DPP10: variants seen among roughly 807,000 people sequenced by gnomAD.
The protein encoded by DPP10 is inactive dipeptidyl peptidase 10.
Under a neutral mutation model 120.9 loss-of-function variants are expected in DPP10, and 33 were observed. That is an observed-to-expected ratio of 0.27 (90% confidence interval 0.21 to 0.37). The LOEUF is 0.37. DPP10 is among the 10% of genes least tolerant of loss of function. The pLI, the probability that DPP10 is intolerant of heterozygous loss-of-function variation, is 1.00. For missense variants in DPP10, 816 were observed against 942.8 expected (o/e 0.87, Z 1.76); for synonymous variants, 337 against 326.1 (o/e 1.03, Z -0.36).
intron 1 of DPP10, among the ~76,000 whole-genome samples, chr2:114,617,701 T>C (rs1314090782): frequency 6.6e-6 from 1 of 152,068 alleles, no homozygotes; most frequent in Non-Finnish European, 1.5e-5. Flanking sequence ...TTTATACTTG[T>C]TTTCACTTAG....
intron 1 of DPP10, among the ~76,000 whole-genome samples, chr2:114,839,860 C>T (rs2106442937): frequency 6.6e-6 from 1 of 152,206 alleles, no homozygotes; most frequent in Admixed American, 6.5e-5. Context: ...AGAGAATATA[C>T]AAGATTTAAA....
chr2:114,591,667 G>GATT (rs1417181408), intron 1 of DPP10, among the ~76,000 whole-genome samples: 2 of 150,344 alleles, frequency 1.3e-5, no homozygotes, highest in Non-Finnish European at 2.9e-5. Context: ...TGATTCTCCT[G>GATT]CCTTAGCCTC....
chr2:115,177,754 G>GTT lies in DPP10; in HGVS notation c.61-131481_61-131480dup, dbSNP rs1351802503. On this transcript the variant is annotated intron_variant, in intron 1 of 25. Coordinates refer to ENST00000410059, the MANE Select transcript of DPP10 (RefSeq NM_020868.6). ...TATAACATTGCTTTTGTTTTGTTTT[G>GTT]TTTTTGTTTTTGTTTGTTTGTTTGT... Among the ~76,000 whole-genome samples, 133 of 109,750 alleles carry GTT rather than the reference G, an allele frequency of 1.2e-3. 3 individuals carry two copies. The South Asian group carries it at 0.03, about 25-fold the overall frequency. 72.0% of individuals were successfully genotyped at this position (109,750 alleles called of 152,430 possible).
chr2:114,969,470 A>T (rs1036135167), intron 1 of DPP10, among the ~76,000 whole-genome samples: 1 of 152,190 alleles, frequency 6.6e-6, no homozygotes, highest in Admixed American at 6.5e-5. Flanking sequence ...TATGGTGTGT[A>T]TTCACACACA....
chr2:114,615,105 T>TA (rs34167300), intron 1 of DPP10, among the ~76,000 whole-genome samples: 2 of 152,318 alleles, frequency 1.3e-5, no homozygotes, highest in African/African-American at 4.8e-5. Flanking sequence ...GGTTAAGATT[T>TA]AAAATAATCA....
At chr2:114,542,050 T>C (rs1278796988) in intron 1 of DPP10, among the ~76,000 whole-genome samples, 1 of 112,518 alleles carries the variant, frequency 8.9e-6, no homozygotes, top group African/African-American at 3.1e-5. Flanking sequence ...CTTTCTTTCC[T>C]TTTTTTTTTT....
intron 4 of DPP10, among the ~76,000 whole-genome samples, chr2:115,512,423 ACCTGGCCT>A (rs2077283530): frequency 1.3e-5 from 2 of 152,036 alleles, no homozygotes; most frequent in Admixed American, 1.3e-4. Context: ...GAGCCACTGC[ACCTGGCCT>A]CTGGCTTTTT....
chr2:115,351,543 T>C (rs1195658195), intron 3 of DPP10, among the ~76,000 whole-genome samples: 1 of 151,994 alleles, frequency 6.6e-6, no homozygotes, highest in Non-Finnish European at 1.5e-5. Flanking sequence ...ATTTTAAAAA[T>C]CAAATAAAAA....
chr2:115,451,985 T>C (rs983664150), intron 3 of DPP10, among the ~76,000 whole-genome samples: 1 of 151,842 alleles, frequency 6.6e-6, no homozygotes, highest in Non-Finnish European at 1.5e-5. Context: ...CATTATAGTG[T>C]ATTTGGTCTA....
chr2:115,185,612 A>C (rs1441727658), intron 1 of DPP10, among the ~76,000 whole-genome samples: 1 of 152,152 alleles, frequency 6.6e-6, no homozygotes, highest in Non-Finnish European at 1.5e-5. Context: ...CAAGTTTGTA[A>C]ATTTCTGAGG....
chr2:115,068,516 G>A (rs557165111), intron 1 of DPP10, among the ~76,000 whole-genome samples: 5 of 151,984 alleles, frequency 3.3e-5, no homozygotes, highest in African/African-American at 9.7e-5. Flanking sequence ...TCCCATGTAG[G>A]TTGCCTCTTC....
At chr2:114,829,126 A>C (rs1016614554) in intron 1 of DPP10, among the ~76,000 whole-genome samples, 3 of 151,854 alleles carry the variant, frequency 2.0e-5, no homozygotes, top group East Asian at 2.0e-4. Flanking sequence ...ATCTCTACTA[A>C]AAAACTACAA....
intron 1 of DPP10, among the ~76,000 whole-genome samples, chr2:114,482,308 T>C (rs1020976972): frequency 3.9e-5 from 6 of 152,158 alleles, no homozygotes; most frequent in African/African-American, 1.4e-4. Flanking sequence ...TAGAAGCCTT[T>C]TATTATATGG....
At chr2:115,768,521 A>T in intron 13 of DPP10, 117 bp downstream of exon 13, 1 of 762,790 alleles carries the variant, frequency 1.3e-6, no homozygotes, top group Non-Finnish European at 2.1e-6. Context: ...CATATATACA[A>T]CTCACAGACA....
chr2:115,210,026 T>A (rs975250773), intron 1 of DPP10, among the ~76,000 whole-genome samples: 4 of 152,130 alleles, frequency 2.6e-5, no homozygotes, highest in Middle Eastern at 3.4e-3. Flanking sequence ...TTTTTATTTT[T>A]TATATATATT....
intron 1 of DPP10, among the ~76,000 whole-genome samples, chr2:114,888,317 C>T (rs994786251): frequency 6.6e-6 from 1 of 152,014 alleles, no homozygotes. Context: ...ATTCCTATAA[C>T]TTTGAATATA....
chr2:115,061,591 AGT>A (rs1706403136), intron 1 of DPP10, among the ~76,000 whole-genome samples: 1 of 152,238 alleles, frequency 6.6e-6, no homozygotes, highest in South Asian at 2.1e-4. Context: ...TAAAATGCAC[AGT>A]GTTTATAATT....
intron 2 of DPP10, among the ~76,000 whole-genome samples, chr2:115,338,596 G>T (rs186079122): frequency 1.3e-3 from 192 of 152,116 alleles, no homozygotes; most frequent in African/African-American, 4.4e-3. Context: ...AAGCAGCTGG[G>T]ATTATAGACA....
At chr2:114,904,515 A>G (rs553986776) in intron 1 of DPP10, among the ~76,000 whole-genome samples, 153 of 152,356 alleles carry the variant, frequency 1.0e-3, no homozygotes, top group Non-Finnish European at 1.9e-3. Context: ...GGAAGACATT[A>G]TTAAACAAAA....
Sources: gnomAD v4.1 joint callset for allele counts (sites outside exome capture counted in the v4.1 genomes callset) on GRCh38, gnomAD v4.1.1 for gene constraint, MANE v1.5 for transcripts, NCBI Gene and HGNC (gene_info 2026-07-23, HGNC 2026-07-21) for gene names.